XRCC6: variants seen among roughly 807,000 people sequenced by gnomAD.
The protein encoded by XRCC6 is X-ray repair cross complementing 6.
A neutral mutation model predicts 65.7 loss-of-function variants in XRCC6; 5 were observed. That is an observed-to-expected ratio of 0.08 (90% CI 0.04 to 0.16). XRCC6 has a LOEUF of 0.16. Among genes scored for constraint, XRCC6 ranks in the 10% least tolerant of loss-of-function variants. The pLI, the probability that XRCC6 is intolerant of heterozygous loss-of-function variation, is 1.00. For synonymous variants in XRCC6, 270 were observed against 270.6 expected (o/e 1.00, Z 0.02); for missense variants, 447 against 738.1 (o/e 0.61, Z 4.57).
At chr22:41,640,708 C>G (rs2067866365) in intron 6 of XRCC6, among the ~76,000 whole-genome samples, 1 of 152,180 alleles carries the variant, frequency 6.6e-6, no homozygotes, top group South Asian at 2.1e-4. Flanking sequence ...TCCTTTTCCT[C>G]TTGGAAACTA....
intron 2 of XRCC6, among the ~76,000 whole-genome samples, chr22:41,626,861 C>G (rs1009756511): frequency 6.6e-6 from 1 of 151,826 alleles, no homozygotes; most frequent in Non-Finnish European, 1.5e-5. Flanking sequence ...AGGATGGTCT[C>G]GACCTCCTGA....
Position 41,653,705 on chromosome 22 carries a change from T to G in XRCC6, c.1291+15T>G, listed in dbSNP as rs898294570. The G allele has an allele frequency of 1.2e-5, 20 of 1,611,722 alleles. No homozygotes were observed. The highest frequency in any genetic ancestry group is 1.5e-5 in the Non-Finnish European group (18 of 1,178,110). Reference sequence around the variant, plus strand: ...GACTCCTCCAGGTATGTGGCAGAGATATTTCCAGGGCTTCTGAACCTTGCC... The same window carrying G: ...GACTCCTCCAGGTATGTGGCAGAGAGATTTCCAGGGCTTCTGAACCTTGCC... On this transcript the variant is annotated intron_variant, in intron 9 of 12. Transcript: ENST00000360079.
intron 7 of XRCC6, among the ~76,000 whole-genome samples, chr22:41,649,575 C>T (rs2067974356): frequency 1.3e-5 from 2 of 151,966 alleles, no homozygotes; most frequent in Non-Finnish European, 2.9e-5. Context: ...GATGTGGTGG[C>T]CGGGTGCGGT....
At chr22:41,632,121 A>G (rs5758398) in intron 3 of XRCC6, among the ~76,000 whole-genome samples, 104,670 of 147,316 alleles carry the variant, frequency 0.71, 37,777 homozygotes, top group East Asian at 0.92. Context: ...GACCGTGGAA[A>G]GAGAGGGAGA....
chr22:41,627,441 G>A (rs568219263), intron 2 of XRCC6, among the ~76,000 whole-genome samples: 69 of 151,896 alleles, frequency 4.5e-4, no homozygotes, highest in Non-Finnish European at 2.1e-4. Context: ...GTAAAACTGC[G>A]TCTCTACTAA....
intron 6 of XRCC6, among the ~76,000 whole-genome samples, chr22:41,641,565 T>A (rs1404688049): frequency 6.6e-6 from 1 of 152,162 alleles, no homozygotes; most frequent in East Asian, 1.9e-4. Flanking sequence ...ATTCTTTCTA[T>A]TTTTTGTACT....
At chr22:41,630,097 C>T (rs1285259846) in intron 3 of XRCC6, among the ~76,000 whole-genome samples, 1 of 151,392 alleles carries the variant, frequency 6.6e-6, no homozygotes, top group African/African-American at 2.4e-5. Context: ...GATTCTCCTG[C>T]CTCAGCCTCC....
At chr22:41,623,416 C>A (rs2067632843) in intron 2 of XRCC6, among the ~76,000 whole-genome samples, 1 of 151,604 alleles carries the variant, frequency 6.6e-6, no homozygotes, top group Non-Finnish European at 1.5e-5. Flanking sequence ...TGGAGACAGT[C>A]TTGCTCTGTC....
intron 7 of XRCC6, among the ~76,000 whole-genome samples, chr22:41,649,101 G>A (rs1410557475): frequency 7.4e-6 from 1 of 134,642 alleles, no homozygotes; most frequent in Non-Finnish European, 1.6e-5. Context: ...CAGGCGTGGT[G>A]GTGCACAGCC....
chr22:41,648,489 G>A (rs1243604264), intron 7 of XRCC6, among the ~76,000 whole-genome samples: 1 of 152,094 alleles, frequency 6.6e-6, no homozygotes, highest in East Asian at 1.9e-4. Context: ...TTTTGCTAGT[G>A]ATATTTTTCC....
chr22:41,642,336 A>G (rs978319246), intron 6 of XRCC6, among the ~76,000 whole-genome samples: 1 of 152,018 alleles, frequency 6.6e-6, no homozygotes, highest in Non-Finnish European at 1.5e-5. Flanking sequence ...TTTCCTGTAG[A>G]GTTGTTTGGG....
At chr22:41,656,121 A>G (rs982517248) in intron 9 of XRCC6, among the ~76,000 whole-genome samples, 6 of 150,044 alleles carry the variant, frequency 4.0e-5, no homozygotes, top group South Asian at 2.1e-4. Flanking sequence ...AGTCCCAGCT[A>G]CTTGATAGGC....
At chr22:41,631,813 A>G (rs370707482) in intron 3 of XRCC6, among the ~76,000 whole-genome samples, 1 of 152,008 alleles carries the variant, frequency 6.6e-6, no homozygotes, top group African/African-American at 2.4e-5. Flanking sequence ...CCGAGATCAC[A>G]CCACTGTACT....
chr22:41,635,652 A>G (rs1452386629), intron 3 of XRCC6, among the ~76,000 whole-genome samples: 1 of 151,242 alleles, frequency 6.6e-6, no homozygotes, highest in African/African-American at 2.4e-5. Flanking sequence ...GCGATCTTTC[A>G]CCTCTGCTTC....
chr22:41,658,917 G>A (rs1396442016), intron 11 of XRCC6, among the ~76,000 whole-genome samples: 2 of 152,296 alleles, frequency 1.3e-5, no homozygotes, highest in Admixed American at 6.5e-5. Flanking sequence ...GTGACAGAGC[G>A]AGACGCTGTC....
chr22:41,652,365 CT>C (rs754721375), intron 8 of XRCC6, among the ~76,000 whole-genome samples: 184 of 140,592 alleles, frequency 1.3e-3, no homozygotes, highest in Middle Eastern at 7.4e-3. Context: ...TAATAATTTG[CT>C]TTTTTTTTTT....
intron 6 of XRCC6, among the ~76,000 whole-genome samples, chr22:41,644,548 C>T (rs747673796): frequency 2.0e-5 from 3 of 152,088 alleles, no homozygotes; most frequent in Non-Finnish European, 4.4e-5. Context: ...TGCAGTGGCA[C>T]GATCTTGCCT....
At chr22:41,623,608 T>G (rs1275576017) in intron 2 of XRCC6, among the ~76,000 whole-genome samples, 1 of 152,152 alleles carries the variant, frequency 6.6e-6, no homozygotes, top group Non-Finnish European at 1.5e-5. Context: ...AGGATGGTCT[T>G]GATCTCCTGA....
Position 41,636,411 on chromosome 22 carries a change from A to G in XRCC6, c.335-105A>G, listed in dbSNP as rs908118062. 27 of 1,516,638 alleles carry G rather than the reference A, an allele frequency of 1.8e-5. No individual in the cohort carries two copies. In the African/African-American group the frequency reaches 3.3e-4, roughly 19 times the overall value. 93.9% of individuals were successfully genotyped at this position (1,516,638 alleles called of 1,614,324 possible). A position where few individuals can be genotyped will look rare whatever the true frequency, so the allele number is the denominator to read the frequency against. On this transcript the variant is annotated intron_variant, in intron 4 of 12. Coordinates refer to ENST00000360079, the MANE Select transcript of XRCC6 (RefSeq NM_001469.5). ...GATGTGGACTTTGTTAAATGGGTTA[A>G]ACAGCTCTGGGGTGAAAAAGGGTCC...
Sources: gnomAD v4.1 joint callset for allele counts (sites outside exome capture counted in the v4.1 genomes callset) on GRCh38, gnomAD v4.1.1 for gene constraint, MANE v1.5 for transcripts, NCBI Gene and HGNC (gene_info 2026-07-23, HGNC 2026-07-21) for gene names.